SULT4A1: variants seen among roughly 807,000 people sequenced by gnomAD.
The protein encoded by SULT4A1 is sulfotransferase family 4A member 1, also known as sulfotransferase 4A1.
A neutral mutation model predicts 35.2 loss-of-function variants in SULT4A1; 11 were observed. The observed-to-expected ratio is 0.31, with a 90% confidence interval of 0.20 to 0.52. SULT4A1 has a LOEUF of 0.52. SULT4A1 is among the 20% of genes least tolerant of loss of function. The pLI is 0.97. For synonymous variants in SULT4A1, 152 were observed against 151.8 expected, an observed-to-expected ratio of 1.00 and a Z score of -0.01; for missense variants, 271 against 383.7, an observed-to-expected ratio of 0.71 and a Z score of 2.45.
At chr22:43,847,227 G>A (rs2063482554) in intron 1 of SULT4A1, among the ~76,000 whole-genome samples, 1 of 152,068 alleles carries the variant, frequency 6.6e-6, no homozygotes, top group Admixed American at 6.6e-5. Flanking sequence ...AAACACGCAG[G>A]GAACAGGCCC....
chr22:43,854,352 A>C (rs1278426736), intron 1 of SULT4A1, among the ~76,000 whole-genome samples: 1 of 152,208 alleles, frequency 6.6e-6, no homozygotes, highest in Non-Finnish European at 1.5e-5. Flanking sequence ...CAGGAAGAGA[A>C]AAAGAGGTGC....
intron 6 of SULT4A1, chr22:43,827,633 G>A (rs781349660): frequency 6.0e-5 from 82 of 1,366,166 alleles, no homozygotes; most frequent in Middle Eastern, 2.1e-4. Context: ...GAGCAAAGAC[G>A]CAATGTGCTA....
rs766769383 is a variant in SULT4A1 at position 43,862,230 on chromosome 22, G to A, written c.153C>T (p.Val51=). ...FPVRPSDVWI[V]TYPKSGTSLL... ...GGGGCTCACCGGACTTGGGGTAGGT[G>A]ACGATCCACACGTCGCTGGGCCGCA... The change falls in exon 1 of 7, where the codon GTC becomes GTT. Residue 51 remains valine (V), a synonymous_variant. Transcript: ENST00000330884. 5.1e-6 allele frequency: 8 copies of A among 1,561,392 alleles called. No homozygotes were observed. Among genetic ancestry groups the A allele is most frequent in the Non-Finnish European group, 6.9e-6 (8 of 1,153,388 alleles).
intron 5 of SULT4A1, among the ~76,000 whole-genome samples, chr22:43,831,644 G>C (rs1260134086): frequency 6.6e-6 from 1 of 152,260 alleles, no homozygotes; most frequent in Non-Finnish European, 1.5e-5. Flanking sequence ...AAAGAACAGA[G>C]CTCCGCGCCA....
At chr22:43,842,808 G>A (rs150439736) in intron 1 of SULT4A1, among the ~76,000 whole-genome samples, 1 of 152,186 alleles carries the variant, frequency 6.6e-6, no homozygotes, top group Non-Finnish European at 1.5e-5. Context: ...CCGGGGTCTA[G>A]AGCTATTAAC....
At chr22:43,846,384 T>G (rs1291238342) in intron 1 of SULT4A1, among the ~76,000 whole-genome samples, 3 of 152,228 alleles carry the variant, frequency 2.0e-5, no homozygotes, top group Admixed American at 2.0e-4. Context: ...TCTTTCCACC[T>G]TAAGGACAGA....
rs767039439 is a variant in SULT4A1 at position 43,862,382 on chromosome 22, TGCCGCCGCCGTCGCCGTC to T, written c.-18_-1del. 7.5e-6 allele frequency: 10 copies of T among 1,333,522 alleles called. No individual in the cohort carries two copies. The highest frequency in any genetic ancestry group is 1.5e-5 in the African/African-American group (1 of 65,642). The allele number at this position is 1,333,522 out of a possible 1,614,324, so 82.6% of individuals were successfully genotyped here. A position where few individuals can be genotyped will look rare whatever the true frequency, so the allele number is the denominator to read the frequency against. ...GGGGTCTCGGCCTCGCTCTCCGCCA[TGCCGCCGCCGTCGCCGTC>T]GCCGCCGCCGCCTCCCGGCTCGCAG... On this transcript the variant is annotated 5_prime_UTR_variant, in exon 1 of 7. Coordinates refer to ENST00000330884, the MANE Select transcript of SULT4A1 (RefSeq NM_014351.4).
chr22:43,850,532 C>T (rs756596592), intron 1 of SULT4A1, among the ~76,000 whole-genome samples: 1 of 152,324 alleles, frequency 6.6e-6, no homozygotes, highest in African/African-American at 2.4e-5. Flanking sequence ...CAAGCCTCAA[C>T]GTGGCCAGAG....
chr22:43,860,876 C>T (rs1229682160), intron 1 of SULT4A1, among the ~76,000 whole-genome samples: 1 of 152,116 alleles, frequency 6.6e-6, no homozygotes, highest in Non-Finnish European at 1.5e-5. Context: ...AGAGGCTGGC[C>T]GTGGACCGGG....
intron 1 of SULT4A1, among the ~76,000 whole-genome samples, chr22:43,856,894 T>C (rs1407634047): frequency 6.6e-6 from 1 of 152,082 alleles, no homozygotes; most frequent in African/African-American, 2.4e-5. Flanking sequence ...TACTATCTAA[T>C]ATGCTGTGTT....
rs986102010 is a variant in SULT4A1, at chr22:43,825,693, C to T, written c.*308G>A. ...AAAAGCTCTATAAAATACAATAATACGGGGTTGAAAAGGCAGACATTCTAG... is the reference window on the plus strand; with the variant it reads ...AAAAGCTCTATAAAATACAATAATATGGGGTTGAAAAGGCAGACATTCTAG... On this transcript the variant is annotated 3_prime_UTR_variant, in exon 7 of 7. Transcript: ENST00000330884. The T allele has an allele frequency of 1.3e-4, 20 of 156,232 alleles. No individual in the cohort carries two copies. Among genetic ancestry groups the T allele is most frequent in the Admixed American group, 1.1e-3 (13 of 12,304 alleles). The allele number at this position is 156,232 out of a possible 1,614,324, so 9.7% of individuals were successfully genotyped here.
chr22:43,842,975 A>ATCTCTCTCTCTC (rs695712), intron 1 of SULT4A1, among the ~76,000 whole-genome samples: 23,784 of 144,198 alleles, frequency 0.16, 1,983 homozygotes, highest in South Asian at 0.2. Flanking sequence ...AGTAAACAGC[A>ATCTCTCTCTCTC]TCTCTCTCTC....
Position 43,853,738 on chromosome 22 carries a change from T to C in SULT4A1, c.169+8476A>G, listed in dbSNP as rs180803820. On this transcript the variant is annotated intron_variant, in intron 1 of 6. Coordinates refer to ENST00000330884, the MANE Select transcript of SULT4A1 (RefSeq NM_014351.4). ...TCAAAGTGAACTTCTCCTAGGCCTT[T>C]AGCTCTTCTGTTCCGGGTATACAAC... 4.7e-3 allele frequency among the ~76,000 whole-genome samples: 710 copies of C among 152,348 alleles called. 1 individual carries two copies. Among genetic ancestry groups the C allele is most frequent in the Non-Finnish European group, 7.5e-3 (513 of 68,026 alleles).
intron 1 of SULT4A1, among the ~76,000 whole-genome samples, chr22:43,858,733 C>A (rs576942726): frequency 7.3e-6 from 1 of 137,226 alleles, no homozygotes; most frequent in South Asian, 2.4e-4. Context: ...TCTCTTACCC[C>A]CTCCTGTGGG....
rs1186252265 is a variant in SULT4A1 at position 43,829,042 on chromosome 22, G to A, written c.742+18C>T. On this transcript the variant is annotated intron_variant, in intron 6 of 6. Coordinates refer to ENST00000330884, the MANE Select transcript of SULT4A1 (RefSeq NM_014351.4). The stretch of plus-strand genomic sequence containing the variant: ...GGGGTGGGGAGTGCCTGGGCGGGAG[G>A]CAGGGTGGGGCACGTACCCCGGCCC... The A allele has an allele frequency of 2.7e-6, 4 of 1,507,266 alleles. No individual in the cohort carries two copies. Among genetic ancestry groups the A allele is most frequent in the Non-Finnish European group, 3.6e-6 (4 of 1,120,878 alleles). 93.4% of individuals were successfully genotyped at this position (1,507,266 alleles called of 1,614,324 possible). A position where few individuals can be genotyped will look rare whatever the true frequency, so the allele number is the denominator to read the frequency against.
intron 6 of SULT4A1, chr22:43,826,773 C>T: frequency 1.0e-6 from 1 of 985,458 alleles, no homozygotes; most frequent in Non-Finnish European, 1.2e-6. Context: ...CATTAGCTAG[C>T]TTTACAGACT....
intron 5 of SULT4A1, 56 bp downstream of exon 5, chr22:43,833,584 A>T: frequency 5.6e-6 from 8 of 1,433,404 alleles, no homozygotes; most frequent in Non-Finnish European, 7.7e-6. Flanking sequence ...CTGCGTCAGG[A>T]GCTGCCAGGC....
At chr22:43,852,141 G>A (rs2049348462) in intron 1 of SULT4A1, among the ~76,000 whole-genome samples, 1 of 152,128 alleles carries the variant, frequency 6.6e-6, no homozygotes. Flanking sequence ...TATCCACAGG[G>A]ATGCCAGAAT....
At chr22:43,827,779 A>ACACACACG in intron 6 of SULT4A1, 1 of 442,002 alleles carries the variant, frequency 2.3e-6, no homozygotes. Context: ...ACACACACAC[A>ACACACACG]CACGTGAACC....
Sources: allele counts gnomAD v4.1 joint callset (sites outside exome capture counted in the v4.1 genomes callset), GRCh38; gene constraint gnomAD v4.1.1; transcripts MANE v1.5; gene names NCBI Gene and HGNC (gene_info 2026-07-23, HGNC 2026-07-21).